Variants in TOPBP1 observed in about 807,000 individuals in gnomAD.
The protein encoded by TOPBP1 is DNA topoisomerase 2-binding protein 1.
In TOPBP1, 28 loss-of-function variants were observed where a neutral mutation model predicts 167.7. The ratio of observed to expected loss-of-function variants is 0.17; its 90% CI spans 0.12 to 0.23. TOPBP1 has a LOEUF of 0.23. Ranked by LOEUF, TOPBP1 falls within the 10% of genes least tolerant of loss-of-function variation. The pLI is 1.00. For synonymous variants in TOPBP1, 598 were observed against 611.4 expected, an observed-to-expected ratio of 0.98 and a Z score of 0.32; for missense variants, 1,554 against 1,809.6, an observed-to-expected ratio of 0.86 and a Z score of 2.56.
At chr3:133,656,928 A>C in intron 4 of TOPBP1, 71 bp from the exon 5 acceptor site, 107 of 1,327,620 alleles carry the variant, frequency 8.1e-5, no homozygotes, top group East Asian at 1.6e-4. Context: ...ACACTATCTC[A>C]TAAATACATT....
intron 25 of TOPBP1, among the ~76,000 whole-genome samples, chr3:133,609,236 G>C (rs1934596197): frequency 6.6e-6 from 1 of 152,130 alleles, no homozygotes; most frequent in South Asian, 2.1e-4. Context: ...GTCTTTTCTA[G>C]TATTTTTTTC....
At chr3:133,653,630 T>C (rs1207561661) in intron 6 of TOPBP1, 106 bp from the exon 7 acceptor site, 127 of 209,888 alleles carry the variant, frequency 6.1e-4, no homozygotes, top group African/African-American at 3.1e-3. Context: ...CAGGTTAATA[T>C]TTTTTTTTTT....
At position 133,623,441 on chromosome 3, in the gene TOPBP1, T is replaced by C. The variant is rs1482383417; in HGVS notation, c.2945A>G (p.Lys982Arg). ...TGGATAAAGAGATTCAGGAAGATGT[T>C]TACACTCTTGGGCACACTGCAATAC... ...HWLLDCAQEC[K>R]HLPESLYPHT... Residue 982 changes from lysine to arginine, a missense_variant, in exon 18 of 28, where the codon AAA (lysine) becomes AGA (arginine). Lys to Arg is a conservative substitution (Grantham distance 26). Coordinates refer to ENST00000260810, the MANE Select transcript of TOPBP1 (RefSeq NM_007027.4). 2 of 1,611,576 alleles carry C rather than the reference T, an allele frequency of 1.2e-6. No homozygotes were observed. The highest frequency in any genetic ancestry group is 2.2e-5 in the South Asian group (2 of 90,580).
chr3:133,624,292 G>T, intron 16 of TOPBP1, 117 bp from the exon 17 acceptor site: 1 of 1,157,952 alleles, frequency 8.6e-7, no homozygotes, highest in Non-Finnish European at 1.2e-6. Context: ...TCGGACTAGA[G>T]TAAACAAGAC....
At chr3:133,639,106 A>G (rs1396681089) in intron 13 of TOPBP1, among the ~76,000 whole-genome samples, 1 of 152,216 alleles carries the variant, frequency 6.6e-6, no homozygotes, top group Admixed American at 6.5e-5. Flanking sequence ...CGATCCCATT[A>G]CTGGGTATAT....
At chr3:133,656,199 C>T (rs569345540) in intron 5 of TOPBP1, among the ~76,000 whole-genome samples, 1 of 151,650 alleles carries the variant, frequency 6.6e-6, no homozygotes, top group African/African-American at 2.4e-5. Context: ...AAGTCAGATA[C>T]GTAAAATGGG....
At position 133,601,013 on chromosome 3, in the gene TOPBP1, A is replaced by C; in HGVS notation, c.*237T>G. 10 of 294,146 alleles carry C rather than the reference A, an allele frequency of 3.4e-5. No individual in the cohort carries two copies. The highest frequency in any genetic ancestry group is 1.7e-4 in the East Asian group (2 of 11,902). The allele number at this position is 294,146 out of a possible 1,614,324, so 18.2% of individuals were successfully genotyped here. On this transcript the variant is annotated 3_prime_UTR_variant, in exon 28 of 28. Coordinates refer to ENST00000260810, the MANE Select transcript of TOPBP1 (RefSeq NM_007027.4). ...CAGACTTCAATGTGGTTTAACAGCA[A>C]GCTAGCTGAGGAGTTGTATTTTGTT...
At position 133,649,932 on chromosome 3, in the gene TOPBP1, G is replaced by A. The variant is rs184461102; in HGVS notation, c.1101C>T (p.Cys367=). The change falls in exon 9 of 28, where the codon TGC becomes TGT. Residue 367 remains cysteine, a synonymous_variant. Transcript: ENST00000260810. ...TATCTAGCTTTCTGCCACTAAAACCGCAAAGATATATCTGCAAGAAAGAAA... is the reference window on the plus strand; with the variant it reads ...TATCTAGCTTTCTGCCACTAAAACCACAAAGATATATCTGCAAGAAAGAAA... The part of the protein sequence containing the change: ...DLLDGCRIYL[C]GFSGRKLDKL... 29 of 1,590,614 alleles carry A rather than the reference G, an allele frequency of 1.8e-5. No individual in the cohort carries two copies. In the East Asian group the frequency reaches 2.5e-4, roughly 14 times the overall value.
chr3:133,657,213 G>A (rs1180920796), intron 4 of TOPBP1, among the ~76,000 whole-genome samples: 2 of 151,264 alleles, frequency 1.3e-5, no homozygotes, highest in African/African-American at 4.8e-5. Flanking sequence ...GCTTGGTGGT[G>A]CATGCCTGTA....
At position 133,640,002 on chromosome 3, in the gene TOPBP1, T is replaced by C; in HGVS notation, c.2190A>G (p.Arg730=). Residue 730 remains arginine (R), a synonymous_variant, in exon 13 of 28, where the codon AGA becomes AGG. Transcript: ENST00000260810. ...CAATCAGAAAATGGCTTTCGTCTGC[T>C]CTCTTTCCCGTTCTAGCAGTCTCCA... is the stretch of plus-strand genomic sequence containing the variant. ...WLLETARTGK[R]ADESHFLIEN... 6.2e-7 allele frequency: 1 copy of C among 1,613,848 alleles called. No individual in the cohort carries two copies. The highest frequency in any genetic ancestry group is 8.5e-7 in the Non-Finnish European group (1 of 1,179,832).
At position 133,628,691 on chromosome 3, in the gene TOPBP1, G is replaced by C. The variant is rs1160830504; in HGVS notation, c.2563C>G (p.Gln855Glu). 4 of 1,557,686 alleles carry C rather than the reference G, an allele frequency of 2.6e-6. No individual in the cohort carries two copies. The East Asian group carries it at 9.6e-5, about 38-fold the overall frequency. The change falls in exon 15 of 28, where the codon CAG becomes GAG. Residue 855 changes from glutamine (Q) to glutamate (E), a missense_variant. Transcript: ENST00000260810. ...AGTGGCGTACTCGGTTTCCTTTTCT[G>C]TTGGCTGGGACGTCCTGGAGTTTCC... ...ALETPGRPSQ[Q>E]KRKPSTPLSE...
chr3:133,630,482 G>C (rs1166061458), intron 14 of TOPBP1, among the ~76,000 whole-genome samples: 1 of 151,956 alleles, frequency 6.6e-6, no homozygotes, highest in African/African-American at 2.4e-5. Context: ...ATTTTTCATA[G>C]AGACAGGGTC....
chr3:133,633,516 C>A (rs556974931), intron 14 of TOPBP1, among the ~76,000 whole-genome samples: 1 of 152,252 alleles, frequency 6.6e-6, no homozygotes, highest in East Asian at 1.9e-4. Flanking sequence ...TTTGGCTGGA[C>A]GTGGTGGCTC....
intron 8 of TOPBP1, 138 bp downstream of exon 8, chr3:133,652,325 T>C: frequency 2.5e-6 from 2 of 795,520 alleles, no homozygotes; most frequent in Non-Finnish European, 4.0e-6. Context: ...CATGGTCTAG[T>C]AAGTGCATCT....
chr3:133,614,188 T>C (rs1373688280), intron 23 of TOPBP1, among the ~76,000 whole-genome samples: 1 of 152,202 alleles, frequency 6.6e-6, no homozygotes, highest in African/African-American at 2.4e-5. Context: ...GCATTTATTT[T>C]ATGCCAGGAA....
At position 133,620,315 on chromosome 3, in the gene TOPBP1, A is replaced by G; in HGVS notation, c.3211T>C (p.Phe1071Leu). 6.2e-7 allele frequency: 1 copy of G among 1,613,966 alleles called. No individual in the cohort carries two copies. Among genetic ancestry groups the G allele is most frequent in the Non-Finnish European group, 8.5e-7 (1 of 1,179,886 alleles). ...LTQTLEMREN[F>L]QKQLQEIMSA... ...ATTATCTCCTGTAACTGCTTCTGAA[A>G]GTTCTCTCTCATCTCTAAGGTCTGT... Residue 1071 changes from phenylalanine to leucine, a missense_variant, in exon 20 of 28, where the codon TTT becomes CTT. By Grantham distance (22) the Phe-to-Leu change is conservative (BLOSUM62 0). Coordinates refer to ENST00000260810, the MANE Select transcript of TOPBP1 (RefSeq NM_007027.4).
At chr3:133,647,852 A>C (rs961677486) in intron 10 of TOPBP1, among the ~76,000 whole-genome samples, 1 of 152,216 alleles carries the variant, frequency 6.6e-6, no homozygotes, top group African/African-American at 2.4e-5. Context: ...AATCACAGAA[A>C]GACAAAAAGA....
chr3:133,657,754 G>A, intron 4 of TOPBP1, 44 bp downstream of exon 4: 1 of 1,415,814 alleles, frequency 7.1e-7, no homozygotes, highest in African/African-American at 1.5e-5. Flanking sequence ...AAGAATAAGA[G>A]ATAGATATAT....
chr3:133,650,408 AACG>A (rs963814910), intron 8 of TOPBP1, among the ~76,000 whole-genome samples: 1 of 151,702 alleles, frequency 6.6e-6, no homozygotes, highest in African/African-American at 2.4e-5. Flanking sequence ...GCCTATGATT[AACG>A]ACAATAGGCA....
Sources: gnomAD v4.1 joint callset for allele counts (sites outside exome capture counted in the v4.1 genomes callset) on GRCh38, gnomAD v4.1.1 for gene constraint, MANE v1.5 for transcripts, NCBI Gene and HGNC (gene_info 2026-07-23, HGNC 2026-07-21) for gene names.